NRXN3: variants seen among roughly 807,000 people sequenced by gnomAD.
NRXN3 encodes the protein neurexin 3, also known as neurexin III.
A neutral mutation model predicts 137.6 loss-of-function variants in NRXN3; 32 were observed. The observed-to-expected ratio is 0.23, with a 90% CI of 0.18 to 0.31. The LOEUF (loss-of-function observed/expected upper bound fraction) is 0.31. NRXN3 is among the 10% of genes least tolerant of loss of function. The probability of loss-of-function intolerance (pLI) is 1.00; values close to 1 mark genes in which losing one functional copy is unlikely to be tolerated. For synonymous variants in NRXN3, 798 were observed against 784.5 expected (o/e 1.02, Z -0.29); for missense variants, 1,574 against 2,062.5 (o/e 0.76, Z 4.59).
intron 5 of NRXN3, among the ~76,000 whole-genome samples, chr14:78,650,049 C>T (rs2097725374): frequency 6.6e-6 from 1 of 152,084 alleles, no homozygotes. Flanking sequence ...ATTCTCCTTT[C>T]ATCTTTCATA....
chr14:78,314,893 C>CTCTTTCTT (rs67628703), intron 4 of NRXN3, among the ~76,000 whole-genome samples: 3,313 of 81,166 alleles, frequency 0.041, 93 homozygotes, highest in Admixed American at 0.069. Flanking sequence ...TTCTTTCTTT[C>CTCTTTCTT]TCTTTCTTTC....
chr14:79,802,748 A>C (rs909756967), intron 19 of NRXN3, among the ~76,000 whole-genome samples: 2 of 152,208 alleles, frequency 1.3e-5, no homozygotes, highest in Non-Finnish European at 2.9e-5. Context: ...TCTCAGCAGG[A>C]AACACCAAGG....
intron 20 of NRXN3, among the ~76,000 whole-genome samples, chr14:79,836,943 A>G (rs1302657483): frequency 6.6e-6 from 1 of 152,154 alleles, no homozygotes; most frequent in Admixed American, 6.6e-5. Flanking sequence ...TGACATCCTC[A>G]TCCTTGAATG....
At chr14:79,785,211 G>A (rs1382954346) in intron 19 of NRXN3, among the ~76,000 whole-genome samples, 1 of 152,108 alleles carries the variant, frequency 6.6e-6, no homozygotes, top group Non-Finnish European at 1.5e-5. Context: ...AATACTTGCT[G>A]CCCTTTGTAT....
chr14:79,685,520 TTAAA>T (rs1289673827), intron 17 of NRXN3, among the ~76,000 whole-genome samples: 2 of 152,202 alleles, frequency 1.3e-5, no homozygotes, highest in Non-Finnish European at 2.9e-5. Context: ...AGAGGGGCTC[TTAAA>T]TAAAGAATTG....
At chr14:79,247,945 C>T (rs78325230) in intron 15 of NRXN3, among the ~76,000 whole-genome samples, 8,309 of 151,878 alleles carry the variant, frequency 0.055, 617 homozygotes, top group African/African-American at 0.16. Flanking sequence ...TATCTATCAC[C>T]CTCTCTCATA....
At chr14:79,246,345 C>T (rs529722247) in intron 15 of NRXN3, among the ~76,000 whole-genome samples, 9 of 152,316 alleles carry the variant, frequency 5.9e-5, no homozygotes, top group African/African-American at 1.7e-4. Flanking sequence ...TTTCTTCCCT[C>T]ACTCATGGAG....
At chr14:79,146,528 G>A (rs74588939) in intron 15 of NRXN3, among the ~76,000 whole-genome samples, 2,445 of 152,230 alleles carry the variant, frequency 0.016, 56 homozygotes, top group African/African-American at 0.055. Flanking sequence ...CTCTCCTGGA[G>A]TGTAGAGTTG....
At chr14:78,920,667 T>C (rs999689523) in intron 10 of NRXN3, among the ~76,000 whole-genome samples, 8 of 152,180 alleles carry the variant, frequency 5.3e-5, no homozygotes, top group Non-Finnish European at 8.8e-5. Flanking sequence ...CACAGTTTTG[T>C]GCAGCTGACC....
intron 10 of NRXN3, among the ~76,000 whole-genome samples, chr14:78,953,037 G>GCAA (rs2099390029): frequency 6.6e-6 from 1 of 152,198 alleles, no homozygotes; most frequent in Non-Finnish European, 1.5e-5. Context: ...GTAACTTGTA[G>GCAA]TCTTGCTGCT....
At chr14:79,024,178 A>G (rs1364379948) in intron 15 of NRXN3, among the ~76,000 whole-genome samples, 1 of 152,058 alleles carries the variant, frequency 6.6e-6, no homozygotes, top group Non-Finnish European at 1.5e-5. Context: ...CTTGCCATCC[A>G]TTCTTACATA....
intron 20 of NRXN3, among the ~76,000 whole-genome samples, chr14:79,822,402 C>T (rs148650232): frequency 7.8e-4 from 119 of 152,218 alleles, no homozygotes; most frequent in African/African-American, 2.6e-3. Context: ...TTTTGGATGG[C>T]TAAAATCAAT....
intron 15 of NRXN3, among the ~76,000 whole-genome samples, chr14:79,141,559 C>T (rs1396341389): frequency 1.9e-4 from 29 of 152,194 alleles, no homozygotes. Flanking sequence ...TACCTGACTT[C>T]TCTTTGGCTC....
chr14:79,804,672 C>T (rs2099196458), intron 19 of NRXN3, among the ~76,000 whole-genome samples: 5 of 152,302 alleles, frequency 3.3e-5, no homozygotes, highest in South Asian at 4.1e-4. Context: ...CCACGGCATA[C>T]ACTTGAGACC....
At chr14:79,832,752 T>C (rs2099327527) in intron 20 of NRXN3, among the ~76,000 whole-genome samples, 1 of 152,070 alleles carries the variant, frequency 6.6e-6, no homozygotes, top group Non-Finnish European at 1.5e-5. Context: ...CCACATTTTG[T>C]TTAAAAAAAG....
chr14:78,500,963 C>G (rs1037162575), intron 4 of NRXN3, among the ~76,000 whole-genome samples: 22 of 152,084 alleles, frequency 1.4e-4, no homozygotes, highest in Non-Finnish European at 2.8e-4. Flanking sequence ...GAATAGACAG[C>G]TCATTTTTTA....
At chr14:78,831,548 A>AAAC (rs1469340181) in intron 10 of NRXN3, among the ~76,000 whole-genome samples, 2 of 149,912 alleles carry the variant, frequency 1.3e-5, no homozygotes, top group African/African-American at 5.0e-5. Context: ...AAAAAAAAAA[A>AAAC]AAAAAAAAAA....
intron 4 of NRXN3, among the ~76,000 whole-genome samples, chr14:78,410,062 A>T (rs1387624203): frequency 6.6e-6 from 1 of 152,130 alleles, no homozygotes; most frequent in Non-Finnish European, 1.5e-5. Context: ...CTAGGGGGAG[A>T]TATAACAGTT....
In NRXN3 at chr14:79,679,054, A is replaced by AT. The variant is rs369039254; in HGVS notation, c.3617-13109dup. ...ATCTGATTTCTCCTCTTTGGCTTAAATTTTTTTTTTCATTCACATCTTTTA... is the reference window on the plus strand; with the variant it reads ...ATCTGATTTCTCCTCTTTGGCTTAAATTTTTTTTTTTCATTCACATCTTTTA... On this transcript the variant is annotated intron_variant, in intron 17 of 20. Transcript: ENST00000335750. 3.6e-4 allele frequency among the ~76,000 whole-genome samples: 54 copies of AT among 149,482 alleles called. 1 individual carries two copies. The highest frequency in any genetic ancestry group is 6.6e-4 in the African/African-American group (27 of 40,784).
Sources: allele counts gnomAD v4.1 joint callset (sites outside exome capture counted in the v4.1 genomes callset), GRCh38; gene constraint gnomAD v4.1.1; transcripts MANE v1.5; gene names NCBI Gene and HGNC (gene_info 2026-07-23, HGNC 2026-07-21).